Variants in PCDH11X observed in about 807,000 individuals in gnomAD.
PCDH11X encodes the protein protocadherin-11 X-linked.
Under a neutral mutation model 53.3 loss-of-function variants are expected in PCDH11X, and 18 were observed. The observed-to-expected ratio is 0.34, with a 90% confidence interval of 0.23 to 0.50. The LOEUF is 0.50. PCDH11X is among the 20% of genes least tolerant of loss of function. The pLI is 0.98. For synonymous variants in PCDH11X, 279 were observed against 393.3 expected (o/e 0.71, Z 3.44); for missense variants, 570 against 1,032.4 (o/e 0.55, Z 6.14).
chrX:92,143,229 G>A (rs1192803071), intron 6 of PCDH11X, among the ~76,000 whole-genome samples: 1 of 112,232 alleles, frequency 8.9e-6, no homozygotes, highest in Non-Finnish European at 1.9e-5. Context: ...GCAGTGAGCT[G>A]TGACTGTGAA....
At chrX:92,554,112 A>G (rs1297238536) in intron 10 of PCDH11X, among the ~76,000 whole-genome samples, 1 of 101,539 alleles carries the variant, frequency 9.8e-6, no homozygotes, top group Non-Finnish European at 2.0e-5. Flanking sequence ...TTTTTCACCA[A>G]CGTATCTCTA....
At chrX:91,995,123 A>C (rs1273211347) in intron 6 of PCDH11X, among the ~76,000 whole-genome samples, 1 of 109,383 alleles carries the variant, frequency 9.1e-6, no homozygotes, top group African/African-American at 3.3e-5. Context: ...CTTTTCATTT[A>C]GTGGTTTCCT....
chrX:92,148,120 TTC>T (rs1452432530), intron 6 of PCDH11X, among the ~76,000 whole-genome samples: 17 of 15,139 alleles, frequency 1.1e-3, no homozygotes, highest in Non-Finnish European at 1.5e-3. Flanking sequence ...CTTTCTTTCT[TTC>T]TTTCTTTCTT....
At chrX:91,941,235 C>A (rs1470194071) in intron 6 of PCDH11X, among the ~76,000 whole-genome samples, 1 of 111,092 alleles carries the variant, frequency 9.0e-6, no homozygotes, top group Non-Finnish European at 1.9e-5. Flanking sequence ...TTACAAACAA[C>A]CAGTAACACC....
intron 9 of PCDH11X, among the ~76,000 whole-genome samples, chrX:92,433,001 T>C (rs188800940): frequency 3.6e-5 from 4 of 110,858 alleles, no homozygotes; most frequent in African/African-American, 1.3e-4. Flanking sequence ...TCCATTAATA[T>C]AAATCTGGAC....
chrX:91,939,314 A>G (rs757462226), intron 6 of PCDH11X, among the ~76,000 whole-genome samples: 1 of 111,377 alleles, frequency 9.0e-6, no homozygotes, highest in East Asian at 2.8e-4. Context: ...CAGAATAATG[A>G]CTTTTTAAAA....
At chrX:91,982,209 A>T (rs2062150621) in intron 6 of PCDH11X, among the ~76,000 whole-genome samples, 1 of 109,949 alleles carries the variant, frequency 9.1e-6, no homozygotes, top group Non-Finnish European at 1.9e-5. Flanking sequence ...GGAAAAGGTC[A>T]TGAAGCTCTG....
chrX:92,428,520 C>T (rs1012858686), intron 9 of PCDH11X, among the ~76,000 whole-genome samples: 9 of 111,087 alleles, frequency 8.1e-5, no homozygotes, highest in Middle Eastern at 9.3e-3. Context: ...ATGCCATGGC[C>T]CCTTCCAGCT....
intron 10 of PCDH11X, among the ~76,000 whole-genome samples, chrX:92,514,145 T>C (rs2074213206): frequency 9.0e-6 from 1 of 110,825 alleles, no homozygotes; most frequent in Non-Finnish European, 1.9e-5. Context: ...TTGGCTACTA[T>C]GAGCAATTCT....
intron 6 of PCDH11X, among the ~76,000 whole-genome samples, chrX:92,160,687 C>G (rs1414400451): frequency 2.0e-5 from 2 of 100,527 alleles, no homozygotes; most frequent in African/African-American, 7.4e-5. Flanking sequence ...TGGGTAGATA[C>G]CCAGTAGTGG....
intron 4 of PCDH11X, among the ~76,000 whole-genome samples, chrX:91,825,283 A>G (rs1376594671): frequency 3.6e-5 from 4 of 110,119 alleles, no homozygotes; most frequent in East Asian, 2.9e-4. Flanking sequence ...CCTCGCTGCC[A>G]CCTTGCAGTT....
chrX:92,058,683 T>C (rs986216358), intron 6 of PCDH11X, among the ~76,000 whole-genome samples: 6 of 111,042 alleles, frequency 5.4e-5, no homozygotes, highest in African/African-American at 2.0e-4. Context: ...TACTTAGTCA[T>C]TGATATTGAC....
At chrX:92,479,734 A>T in intron 10 of PCDH11X, among the ~76,000 whole-genome samples, 1 of 106,017 alleles carries the variant, frequency 9.4e-6, no homozygotes. Context: ...TGTTTGTATG[A>T]TGGGGTTCTC....
At chrX:91,796,961 G>T (rs1229596460) in intron 1 of PCDH11X, among the ~76,000 whole-genome samples, 13 of 111,364 alleles carry the variant, frequency 1.2e-4, no homozygotes, top group Non-Finnish European at 2.3e-4. Flanking sequence ...ATGTATTTTT[G>T]TTTATATTTT....
intron 10 of PCDH11X, among the ~76,000 whole-genome samples, chrX:92,592,972 TA>T (rs1488056099): frequency 9.0e-6 from 1 of 110,968 alleles, no homozygotes; most frequent in African/African-American, 3.3e-5. Flanking sequence ...AGTGTTTATT[TA>T]AAAGAGCTCT....
At chrX:92,087,802 T>C (rs1444534659) in intron 6 of PCDH11X, among the ~76,000 whole-genome samples, 1 of 109,941 alleles carries the variant, frequency 9.1e-6, no homozygotes, top group Non-Finnish European at 1.9e-5. Context: ...ATGTCGGATA[T>C]CATTTTGCCC....
At chrX:91,861,142 C>T (rs887395547) in intron 5 of PCDH11X, among the ~76,000 whole-genome samples, 5 of 111,184 alleles carry the variant, frequency 4.5e-5, no homozygotes, top group African/African-American at 1.6e-4. Flanking sequence ...TTTATTACTC[C>T]TTCAATTTCA....
At chrX:92,272,096 G>A (rs752422219) in intron 8 of PCDH11X, among the ~76,000 whole-genome samples, 1 of 111,532 alleles carries the variant, frequency 9.0e-6, no homozygotes, top group East Asian at 2.8e-4. Context: ...AATATAAATG[G>A]AGTCCTCAGT....
At chrX:91,907,196 G>A (rs2524595) in intron 6 of PCDH11X, among the ~76,000 whole-genome samples, 22,921 of 108,149 alleles carry the variant, frequency 0.21, 2,356 homozygotes, top group Admixed American at 0.45. Context: ...ATAATTCTAA[G>A]ACATAAGCAG....
Sources: gnomAD v4.1 joint callset for allele counts (sites outside exome capture counted in the v4.1 genomes callset) on GRCh38, gnomAD v4.1.1 for gene constraint, MANE v1.5 for transcripts, NCBI Gene and HGNC (gene_info 2026-07-23, HGNC 2026-07-21) for gene names.